KIAA1217: variants seen among roughly 807,000 people sequenced by gnomAD.
KIAA1217 encodes the protein KIAA1217.
A neutral mutation model predicts 163.9 loss-of-function variants in KIAA1217; 88 were observed. The observed-to-expected ratio is 0.54, with a 90% CI of 0.45 to 0.64. KIAA1217 has a LOEUF of 0.64. Ranked by LOEUF, KIAA1217 falls within the 30% of genes least tolerant of loss-of-function variation. The probability of loss-of-function intolerance (pLI) is 0.00; values close to 1 mark genes in which losing one functional copy is unlikely to be tolerated. For synonymous variants in KIAA1217, 903 were observed against 923.1 expected (o/e 0.98, Z 0.39); for missense variants, 2,372 against 2,475.0 (o/e 0.96, Z 0.88).
chr10:23,865,852 A>G (rs1300262821), intron 1 of KIAA1217, among the ~76,000 whole-genome samples: 3 of 152,200 alleles, frequency 2.0e-5, no homozygotes, highest in Admixed American at 2.0e-4. Flanking sequence ...TTTCTCCAAT[A>G]AATTAAAATG....
rs1371537506 is a variant in KIAA1217 at position 23,934,573 on chromosome 10, ATATATATATATATATATG to A, written c.-320-72636_-320-72619del. On this transcript the variant is annotated intron_variant, in intron 1 of 18. Coordinates refer to the KIAA1217 transcript ENST00000376462. ...GTCTTTAAAGTATATATATATATAT[ATATATATATATATATATG>A]TATATATATATATATGTATATATAT... Among the ~76,000 whole-genome samples, 8 of 75,154 alleles carry A rather than the reference ATATATATATATATATATG, an allele frequency of 1.1e-4. No individual in the cohort carries two copies. In the South Asian group the frequency reaches 1.4e-3, roughly 13 times the overall value. 49.3% of individuals were successfully genotyped at this position (75,154 alleles called of 152,430 possible).
chr10:24,226,250 T>C (rs1425990690), intron 2 of KIAA1217, among the ~76,000 whole-genome samples: 1 of 152,176 alleles, frequency 6.6e-6, no homozygotes, highest in Non-Finnish European at 1.5e-5. Context: ...CCTCTAATTT[T>C]TCCAAAGTTT....
intron 3 of KIAA1217, among the ~76,000 whole-genome samples, chr10:24,400,529 G>T (rs1216149567): frequency 6.6e-6 from 1 of 152,150 alleles, no homozygotes; most frequent in Non-Finnish European, 1.5e-5. Context: ...AAGAAGTGAT[G>T]CTTTGGTTAA....
intron 1 of KIAA1217, among the ~76,000 whole-genome samples, chr10:23,707,391 G>A (rs1320960331): frequency 1.3e-5 from 2 of 152,152 alleles, no homozygotes; most frequent in Non-Finnish European, 2.9e-5. Context: ...CTGGAAGTCT[G>A]GTGATAGGCC....
At chr10:24,157,555 T>C (rs2064935700) in intron 2 of KIAA1217, among the ~76,000 whole-genome samples, 1 of 152,204 alleles carries the variant, frequency 6.6e-6, no homozygotes, top group South Asian at 2.1e-4. Flanking sequence ...AGGAAATCTT[T>C]CCTTGACCCA....
intron 3 of KIAA1217, among the ~76,000 whole-genome samples, chr10:24,402,610 C>G (rs2056717790): frequency 6.6e-6 from 1 of 151,550 alleles, no homozygotes; most frequent in Non-Finnish European, 1.5e-5. Flanking sequence ...ATTATTCCAC[C>G]AGATTTTTAG....
At chr10:24,339,112 G>T (rs1051214840) in intron 2 of KIAA1217, among the ~76,000 whole-genome samples, 3 of 152,074 alleles carry the variant, frequency 2.0e-5, no homozygotes, top group African/African-American at 7.2e-5. Context: ...ATAGGTTTCT[G>T]GTATACATAG....
chr10:24,426,090 G>A (rs2059145569), intron 3 of KIAA1217, among the ~76,000 whole-genome samples: 1 of 152,182 alleles, frequency 6.6e-6, no homozygotes. Context: ...GAGAAACTGA[G>A]GCATTTAGTT....
At chr10:23,935,490 T>C (rs1843488036) in intron 1 of KIAA1217, among the ~76,000 whole-genome samples, 1 of 152,186 alleles carries the variant, frequency 6.6e-6, no homozygotes, top group African/African-American at 2.4e-5. Context: ...ATATGCAGTG[T>C]AACCAAAAAT....
In KIAA1217 at chr10:24,119,850, C is replaced by G. The variant is rs12252721; in HGVS notation, c.-170-99776C>G. 4.7e-3 allele frequency among the ~76,000 whole-genome samples: 720 copies of G among 152,272 alleles called. 5 individuals are homozygous for G. The highest frequency in any genetic ancestry group is 0.017 in the African/African-American group (686 of 41,570). The stretch of plus-strand genomic sequence containing the variant: ...TGGCCAATGTCTGGGCAAGAAGGAA[C>G]ATTAAAATGATCTGTGCTTCCTACA... On this transcript the variant is annotated intron_variant, in intron 2 of 18. Transcript: ENST00000376462.
At chr10:24,163,624 T>C (rs1321924483) in intron 2 of KIAA1217, among the ~76,000 whole-genome samples, 1 of 152,236 alleles carries the variant, frequency 6.6e-6, no homozygotes, top group Non-Finnish European at 1.5e-5. Flanking sequence ...AACATACTGT[T>C]ATTTGCATGA....
intron 5 of KIAA1217, among the ~76,000 whole-genome samples, chr10:24,444,697 C>G (rs1380790960): frequency 1.3e-5 from 2 of 152,146 alleles, no homozygotes; most frequent in Non-Finnish European, 2.9e-5. Context: ...AAAAATATCT[C>G]TCTGTTCTCA....
At chr10:24,243,403 C>A (rs1413305908) in intron 2 of KIAA1217, among the ~76,000 whole-genome samples, 1 of 151,980 alleles carries the variant, frequency 6.6e-6, no homozygotes, top group African/African-American at 2.4e-5. Flanking sequence ...AATTTTTCAA[C>A]CCTCACCCCC....
intron 1 of KIAA1217, among the ~76,000 whole-genome samples, chr10:23,850,122 G>C (rs1839239105): frequency 6.6e-6 from 1 of 152,012 alleles, no homozygotes; most frequent in African/African-American, 2.4e-5. Context: ...TCCCATTAAA[G>C]AGTTTTTAAT....
chr10:23,896,077 G>T (rs943535224), intron 1 of KIAA1217, among the ~76,000 whole-genome samples: 1 of 151,438 alleles, frequency 6.6e-6, no homozygotes, highest in Non-Finnish European at 1.5e-5. Flanking sequence ...CACCAGCATG[G>T]CACATGTATA....
intron 1 of KIAA1217, among the ~76,000 whole-genome samples, chr10:23,860,497 T>C (rs1220681339): frequency 6.6e-6 from 1 of 152,176 alleles, no homozygotes; most frequent in Admixed American, 6.5e-5. Context: ...TAATGAAATG[T>C]TTACATGTCA....
rs111566927 is a variant in KIAA1217, at chr10:24,524,488, G to C, written c.2622G>C (p.Ser874=). 1.2e-6 allele frequency: 2 copies of C among 1,614,164 alleles called. No individual in the cohort carries two copies. Among genetic ancestry groups the C allele is most frequent in the Non-Finnish European group, 1.7e-6 (2 of 1,180,036 alleles). The change falls in exon 13 of 21, where the codon TCG becomes TCC. Residue 874 remains serine, a synonymous_variant. Coordinates refer to ENST00000376454, the MANE Select transcript of KIAA1217 (RefSeq NM_019590.5). The stretch of plus-strand genomic sequence containing the variant: ...CAGGTGCCCCTGGCGATGCGAAGTC[G>C]GAAGTGGTGCCTTTGTCCGGCATGA... ...HSTGAPGDAK[S]EVVPLSGMMV... is the part of the protein sequence containing the mutation.
chr10:24,517,213 A>G (rs1448160704), intron 10 of KIAA1217, among the ~76,000 whole-genome samples: 3 of 151,874 alleles, frequency 2.0e-5, no homozygotes, highest in African/African-American at 7.3e-5. Flanking sequence ...ATACATATAT[A>G]TCCTTTTAAT....
intron 2 of KIAA1217, among the ~76,000 whole-genome samples, chr10:24,256,947 G>A (rs766277854): frequency 2.6e-5 from 4 of 152,210 alleles, no homozygotes; most frequent in Non-Finnish European, 5.9e-5. Flanking sequence ...ATGCAGGAGA[G>A]AAAGAAGGCC....
Sources: gnomAD v4.1 joint callset for allele counts (sites outside exome capture counted in the v4.1 genomes callset) on GRCh38, gnomAD v4.1.1 for gene constraint, MANE v1.5 for transcripts, NCBI Gene and HGNC (gene_info 2026-07-23, HGNC 2026-07-21) for gene names.